The following SPRY4 variants were observed in gnomAD, a reference collection of about 807,000 sequenced individuals.
The protein encoded by SPRY4 is protein sprouty homolog 4.
In SPRY4, 7 loss-of-function variants were observed where a neutral mutation model predicts 17.0. The ratio of observed to expected loss-of-function variants is 0.41; its 90% CI spans 0.23 to 0.77. The LOEUF (loss-of-function observed/expected upper bound fraction) is 0.77. Among genes scored for constraint, SPRY4 ranks in the 30% least tolerant of loss-of-function variants. The pLI is 0.32. For missense variants in SPRY4, 435 were observed against 419.9 expected (o/e 1.04, Z -0.31); for synonymous variants, 183 against 174.1 (o/e 1.05, Z -0.40).
chr5:142,323,993 C>G (rs1253635163), intron 1 of SPRY4: 2 of 152,520 alleles, frequency 1.3e-5, no homozygotes, highest in African/African-American at 4.8e-5. Context: ...CTTCCTCCAG[C>G]TCCCACACGC....
rs755664981 is a variant in SPRY4, at chr5:142,314,923, G to A, written c.186C>T (p.Thr62=). 4.0e-5 allele frequency: 65 copies of A among 1,612,270 alleles called. No individual in the cohort carries two copies. The Middle Eastern group carries it at 8.2e-4, about 20-fold the overall frequency. The change falls in exon 2 of 2, where the codon ACC becomes ACT. Residue 62 remains threonine, a synonymous_variant. Coordinates refer to ENST00000434127, the MANE Select transcript of SPRY4 (RefSeq NM_001127496.3). The surrounding 1 kb of genome is among the most constrained non-coding windows in gnomAD (Gnocchi z 4.8). Reference sequence around the variant, plus strand: ...CCCCGCCCCGGGTCCGCTTTGGGCCGGTGGTCAGGGCCAGGCTAGGGTTGT... The same window carrying A: ...CCCCGCCCCGGGTCCGCTTTGGGCCAGTGGTCAGGGCCAGGCTAGGGTTGT... ...YIDNPSLALT[T]GPKRTRGGAP...
At chr5:142,315,282 G>C in intron 1 of SPRY4, 127 bp from the exon 2 acceptor site, 1 of 624,646 alleles carries the variant, frequency 1.6e-6, no homozygotes. Flanking sequence ...AAATCCCTCT[G>C]TGGACTTTCC....
intron 1 of SPRY4, among the ~76,000 whole-genome samples, chr5:142,318,469 G>C (rs1041373572): frequency 6.6e-6 from 1 of 150,966 alleles, no homozygotes; most frequent in African/African-American, 2.4e-5. Flanking sequence ...CTGAGTGACA[G>C]AGCAAGACTG....
rs60282045 is a variant in SPRY4, at chr5:142,313,871, C to T, written c.*338G>A. On this transcript the variant is annotated 3_prime_UTR_variant, in exon 2 of 2. Transcript: ENST00000434127. Reference sequence around the variant, plus strand: ...GAGGGAGAAGGAGGGGCTGGGAAGGCATTCAAGCAGCTGCAGTTTCCGGAT... The same window carrying T: ...GAGGGAGAAGGAGGGGCTGGGAAGGTATTCAAGCAGCTGCAGTTTCCGGAT... 9.2e-4 allele frequency: 210 copies of T among 228,524 alleles called. 3 individuals carry two copies. In the East Asian group the frequency reaches 0.018, roughly 19 times the overall value. 14.2% of individuals were successfully genotyped at this position (228,524 alleles called of 1,614,324 possible). A position where few individuals can be genotyped will look rare whatever the true frequency, so the allele number is the denominator to read the frequency against.
intron 1 of SPRY4, among the ~76,000 whole-genome samples, chr5:142,321,346 A>G (rs907437724): frequency 2.0e-5 from 3 of 152,200 alleles, no homozygotes; most frequent in Non-Finnish European, 4.4e-5. Context: ...AGCTAAGGCC[A>G]TGCTTAGCAG....
chr5:142,322,999 A>G (rs1201550559), intron 1 of SPRY4, among the ~76,000 whole-genome samples: 1 of 151,680 alleles, frequency 6.6e-6, no homozygotes, highest in African/African-American at 2.4e-5. Flanking sequence ...AGAAATCTTT[A>G]ACTGCAGCCC....
rs1348845313 is a variant in SPRY4, at chr5:142,314,930, A to G, written c.179T>C (p.Leu60Pro). Residue 60 changes from leucine to proline, a missense_variant, in exon 2 of 2, where the codon CTG (leucine) becomes CCG (proline). By Grantham distance (98) the Leu-to-Pro change is moderately conservative. Coordinates refer to ENST00000434127, the MANE Select transcript of SPRY4 (RefSeq NM_001127496.3). The surrounding 1 kb of genome is among the most constrained non-coding windows in gnomAD (Gnocchi z 4.8). ...NDYIDNPSLA[L>P]TTGPKRTRGG... ...CCGGGTCCGCTTTGGGCCGGTGGTCAGGGCCAGGCTAGGGTTGTCTATGTA... is the reference window on the plus strand; with the variant it reads ...CCGGGTCCGCTTTGGGCCGGTGGTCGGGGCCAGGCTAGGGTTGTCTATGTA... The G allele has an allele frequency of 6.2e-7, 1 of 1,612,992 alleles. No individual in the cohort carries two copies.
At chr5:142,319,193 G>C (rs888406512) in intron 1 of SPRY4, among the ~76,000 whole-genome samples, 1 of 152,172 alleles carries the variant, frequency 6.6e-6, no homozygotes, top group African/African-American at 2.4e-5. Flanking sequence ...GACTCCTCCA[G>C]CCCTCACGGA....
intron 1 of SPRY4, among the ~76,000 whole-genome samples, chr5:142,322,271 G>A (rs1759368072): frequency 6.6e-6 from 1 of 152,046 alleles, no homozygotes; most frequent in South Asian, 2.1e-4. Flanking sequence ...AGGAGTTCGA[G>A]ACCAGCCTAG....
intron 1 of SPRY4, chr5:142,318,006 C>T: frequency 1.0e-6 from 1 of 985,370 alleles, no homozygotes; most frequent in Non-Finnish European, 1.2e-6. Flanking sequence ...TTCCTTTCAA[C>T]CACCAGCTCA....
In SPRY4 at chr5:142,312,297, C is replaced by A. The variant is rs1333381931; in HGVS notation, c.*1912G>T. On this transcript the variant is annotated 3_prime_UTR_variant, in exon 2 of 2. Coordinates refer to ENST00000434127, the MANE Select transcript of SPRY4 (RefSeq NM_001127496.3). ...CACAACTGTGGCAAGGGTAGCTACA[C>A]GAATCAGCCTTGGAAAATGCAGATG... 1 of 152,626 alleles carries A rather than the reference C, an allele frequency of 6.6e-6. No individual in the cohort carries two copies. The highest frequency in any genetic ancestry group is 2.1e-4 in the South Asian group (1 of 4,834). 9.5% of individuals were successfully genotyped at this position (152,626 alleles called of 1,614,324 possible).
chr5:142,315,072 G>C lies in SPRY4; in HGVS notation c.37C>G (p.Pro13Ala). The C allele has an allele frequency of 6.2e-7, 1 of 1,613,288 alleles. No homozygotes were observed. Reference sequence around the variant, plus strand: ...AGGGGCTGGACCATGACTGAGTTGGGAGTCAAGGGGGCGCTCTGTGGGATC... The same window carrying C: ...AGGGGCTGGACCATGACTGAGTTGGCAGTCAAGGGGGCGCTCTGTGGGATC... ...PPIPQSAPLT[P>A]NSVMVQPLLD... The change falls in exon 2 of 2, where the codon CCC (proline) becomes GCC (alanine). Residue 13 changes from proline (P) to alanine (A), a missense_variant. Physicochemically the swap from Pro to Ala is conservative, Grantham distance 27 (BLOSUM62 -1). Transcript: ENST00000434127.
At chr5:142,319,355 C>A (rs925056774) in intron 1 of SPRY4, among the ~76,000 whole-genome samples, 14 of 152,196 alleles carry the variant, frequency 9.2e-5, no homozygotes, top group African/African-American at 2.7e-4. Flanking sequence ...TCAAGGAAGG[C>A]TCAGAGTTCA....
rs369713253 is a variant in SPRY4 at position 142,318,802 on chromosome 5, T to TAC, written c.-47-3649_-47-3648dup. On this transcript the variant is annotated intron_variant, in intron 1 of 1. Coordinates refer to ENST00000434127, the MANE Select transcript of SPRY4 (RefSeq NM_001127496.3). ...CTCTATCAAGTTTAGGTGGTACTCT[T>TAC]ACGAACTGGCAAGAGGGAAGGGACT... Among the ~76,000 whole-genome samples the TAC allele has an allele frequency of 6.5e-3, 994 of 152,138 alleles. 2 individuals are homozygous for TAC. Among genetic ancestry groups the TAC allele is most frequent in the Middle Eastern group, 0.027 (8 of 294 alleles).
intron 1 of SPRY4, among the ~76,000 whole-genome samples, chr5:142,320,068 C>G (rs1451245875): frequency 6.6e-6 from 1 of 152,200 alleles, no homozygotes; most frequent in Non-Finnish European, 1.5e-5. Flanking sequence ...GAATAAAGGT[C>G]TCTAGGCTGC....
At position 142,315,132 on chromosome 5, in the gene SPRY4, C is replaced by G; in HGVS notation, c.-24G>C. 6.3e-7 allele frequency: 1 copy of G among 1,591,444 alleles called. No individual in the cohort carries two copies. The highest frequency in any genetic ancestry group is 8.5e-7 in the Non-Finnish European group (1 of 1,172,618). On this transcript the variant is annotated 5_prime_UTR_variant, in exon 2 of 2. Transcript: ENST00000434127. ...ATGGGGCTGGAGGTCCTGGACTGTA[C>G]GGAGAAACAGGCTTCTAGGGGCCCT...
chr5:142,314,296 A>G lies in SPRY4; in HGVS notation c.813T>C (p.Pro271=), dbSNP rs1759044976. The G allele has an allele frequency of 6.2e-7, 1 of 1,613,774 alleles. No homozygotes were observed. The highest frequency in any genetic ancestry group is 1.7e-5 in the Admixed American group (1 of 60,002). The change falls in exon 2 of 2, where the codon CCT becomes CCC. Residue 271 remains proline, a synonymous_variant. Coordinates refer to ENST00000434127, the MANE Select transcript of SPRY4 (RefSeq NM_001127496.3). This position sits in a 1 kb window ranked among gnomAD's most constrained non-coding sequence, Gnocchi z 4.8. ...AQRGYDRLRR[P]GCRCKHTNSV... is the part of the protein sequence containing the mutation. ...TGTTCGTGTGCTTGCAGCGGCAACCAGGGCGGCGCAGACGGTCGTAGCCAC... is the reference window on the plus strand; with the variant it reads ...TGTTCGTGTGCTTGCAGCGGCAACCGGGGCGGCGCAGACGGTCGTAGCCAC...
chr5:142,320,255 C>G (rs563377232), intron 1 of SPRY4, among the ~76,000 whole-genome samples: 2 of 152,300 alleles, frequency 1.3e-5, no homozygotes, highest in East Asian at 3.9e-4. Flanking sequence ...AAGACAATCT[C>G]TGCTGAGAAT....
At chr5:142,324,731 G>A (rs562990066) in intron 1 of SPRY4, 113 bp downstream of exon 1, 1 of 152,832 alleles carries the variant, frequency 6.5e-6, no homozygotes, top group Admixed American at 6.5e-5. Context: ...CTGAGGGAAG[G>A]AACACTGAGG....
Sources: gnomAD v4.1 joint callset for allele counts (sites outside exome capture counted in the v4.1 genomes callset) on GRCh38, gnomAD v4.1.1 for gene constraint, Gnocchi (gnomAD v3.1) non-coding constraint, MANE v1.5 for transcripts, NCBI Gene and HGNC (gene_info 2026-07-23, HGNC 2026-07-21) for gene names.